NRG1: variants seen among roughly 807,000 people sequenced by gnomAD.
NRG1 encodes the protein pro-neuregulin-1, membrane-bound isoform.
Under a neutral mutation model 63.8 loss-of-function variants are expected in NRG1, and 18 were observed. The observed-to-expected ratio is 0.28, with a 90% CI of 0.19 to 0.42. NRG1 has a LOEUF of 0.42. Ranked by LOEUF, NRG1 falls within the 10% of genes least tolerant of loss-of-function variation. NRG1 has a pLI of 1.00. For missense variants in NRG1, 762 were observed against 814.7 expected (o/e 0.94, Z 0.79); for synonymous variants, 302 against 301.3 (o/e 1.00, Z -0.02).
intron 1 of NRG1, among the ~76,000 whole-genome samples, chr8:31,840,347 G>GTTT (rs1447146854): frequency 2.1e-5 from 1 of 46,736 alleles, no homozygotes; most frequent in African/African-American, 7.0e-5. Context: ...GCTATTCTCT[G>GTTT]TCTTTTTTTT....
chr8:32,652,710 A>G (rs1366804690), intron 5 of NRG1, among the ~76,000 whole-genome samples: 5 of 151,714 alleles, frequency 3.3e-5, no homozygotes, highest in African/African-American at 1.2e-4. Context: ...TCTTAATGAC[A>G]TAATTAAATC....
At chr8:32,077,071 T>TA (rs1309424888) in intron 1 of NRG1, among the ~76,000 whole-genome samples, 8 of 152,088 alleles carry the variant, frequency 5.3e-5, no homozygotes, top group East Asian at 1.9e-4. Flanking sequence ...CTCTCTCTTT[T>TA]AAAAAAAATT....
intron 2 of NRG1, among the ~76,000 whole-genome samples, chr8:32,605,339 T>C (rs1390123417): frequency 6.6e-6 from 1 of 152,166 alleles, no homozygotes; most frequent in Non-Finnish European, 1.5e-5. Flanking sequence ...ATTTAGGTGA[T>C]AAAATTGAGA....
chr8:32,199,516 T>A (rs1048260670), intron 1 of NRG1, among the ~76,000 whole-genome samples: 2 of 152,200 alleles, frequency 1.3e-5, no homozygotes, highest in Non-Finnish European at 2.9e-5. Flanking sequence ...TTAGCCTACA[T>A]AAGACATAAA....
At chr8:32,711,223 G>GT (rs796371397) in intron 5 of NRG1, among the ~76,000 whole-genome samples, 4,191 of 135,560 alleles carry the variant, frequency 0.031, 120 homozygotes, top group African/African-American at 0.075. Context: ...TTCAGCCTCA[G>GT]TTTTTTTTTT....
At chr8:32,500,036 C>G (rs1008848017) in intron 1 of NRG1, among the ~76,000 whole-genome samples, 4 of 152,136 alleles carry the variant, frequency 2.6e-5, no homozygotes, top group Admixed American at 6.5e-5. Flanking sequence ...TCCATTAAAA[C>G]ATAAAATTTC....
At chr8:32,698,147 A>G (rs1175137270) in intron 5 of NRG1, among the ~76,000 whole-genome samples, 1 of 151,958 alleles carries the variant, frequency 6.6e-6, no homozygotes, top group Non-Finnish European at 1.5e-5. Flanking sequence ...CAGAGGTTGC[A>G]GTGAGCCGAG....
At chr8:31,812,153 G>A (rs1482115173) in intron 1 of NRG1, among the ~76,000 whole-genome samples, 1 of 152,142 alleles carries the variant, frequency 6.6e-6, no homozygotes, top group Non-Finnish European at 1.5e-5. Flanking sequence ...TAAATACATA[G>A]TACCATAGAT....
intron 7 of NRG1, among the ~76,000 whole-genome samples, chr8:32,774,008 A>G (rs1350565718): frequency 6.6e-6 from 1 of 152,184 alleles, no homozygotes; most frequent in Non-Finnish European, 1.5e-5. Context: ...TTTTTAATTG[A>G]CTACATTTTT....
At chr8:31,917,243 A>C (rs4332087) in intron 1 of NRG1, among the ~76,000 whole-genome samples, 70,526 of 113,950 alleles carry the variant, frequency 0.62, 22,754 homozygotes, top group East Asian at 0.91. Context: ...GCTTTTGTTG[A>C]CATTGCTTTT....
intron 1 of NRG1, among the ~76,000 whole-genome samples, chr8:31,899,767 T>A (rs1158935373): frequency 1.3e-5 from 2 of 152,152 alleles, no homozygotes; most frequent in African/African-American, 4.8e-5. Flanking sequence ...TAAAAACACA[T>A]ACACACACTC....
At chr8:31,744,103 T>G (rs1459117488) in intron 1 of NRG1, among the ~76,000 whole-genome samples, 1 of 151,974 alleles carries the variant, frequency 6.6e-6, no homozygotes, top group Non-Finnish European at 1.5e-5. Flanking sequence ...CACACCTGGC[T>G]CTAGAGTAAT....
In NRG1 at chr8:32,454,036, C is replaced by T. The variant is rs535519270; in HGVS notation, c.38-141792C>T. Among the ~76,000 whole-genome samples, 37 of 152,286 alleles carry T rather than the reference C, an allele frequency of 2.4e-4. 1 individual carries two copies. In the South Asian group the frequency reaches 3.7e-3, roughly 15 times the overall value. ...CTGGGTAAAAGTTTAATTTCTGATG[C>T]GTAAAGCATATCCTGCCTTGAAAAA... On this transcript the variant is annotated intron_variant, in intron 1 of 10. Coordinates refer to the NRG1 transcript ENST00000519301.
chr8:31,639,548 C>CGCAGCCCCA, intron 1 of NRG1: 1 of 1,457,694 alleles, frequency 6.9e-7, no homozygotes, highest in Non-Finnish European at 9.1e-7. Context: ...GCCGCTTGCT[C>CGCAGCCCCA]GCAGCCCCAG....
In NRG1 at chr8:32,235,856, C is replaced by T. The variant is rs566190690; in HGVS notation, c.38-359972C>T. On this transcript the variant is annotated intron_variant, in intron 1 of 10. Coordinates refer to the NRG1 transcript ENST00000519301. ...GATTAGTGATTCTCAAAAGGTAGTC[C>T]TTGAATCACTTACTGAATACCTATA... Among the ~76,000 whole-genome samples, 23 of 152,188 alleles carry T rather than the reference C, an allele frequency of 1.5e-4. No homozygotes were observed. In the East Asian group the frequency reaches 3.7e-3, roughly 24 times the overall value.
intron 1 of NRG1, among the ~76,000 whole-genome samples, chr8:32,444,662 T>C (rs551344117): frequency 1.6e-4 from 25 of 152,206 alleles, no homozygotes; most frequent in Non-Finnish European, 3.1e-4. Flanking sequence ...ATTTTAATTA[T>C]ATTTTTCTAT....
intron 2 of NRG1, among the ~76,000 whole-genome samples, chr8:32,603,726 C>T (rs973483693): frequency 6.6e-6 from 1 of 152,134 alleles, no homozygotes; most frequent in Non-Finnish European, 1.5e-5. Flanking sequence ...CTGTCTTCCT[C>T]GGCCTCCCAA....
intron 1 of NRG1, among the ~76,000 whole-genome samples, chr8:31,802,781 C>T (rs1821913809): frequency 6.6e-6 from 1 of 152,128 alleles, no homozygotes; most frequent in Admixed American, 6.5e-5. Context: ...TTGAATAAAA[C>T]AGGCTGTTTT....
intron 1 of NRG1, among the ~76,000 whole-genome samples, chr8:31,768,875 AG>A (rs549997094): frequency 6.6e-5 from 10 of 152,224 alleles, no homozygotes; most frequent in Non-Finnish European, 1.3e-4. Context: ...TGGAATCCAC[AG>A]TTATCTTAAA....
Sources: gnomAD v4.1 joint callset for allele counts (sites outside exome capture counted in the v4.1 genomes callset) on GRCh38, gnomAD v4.1.1 for gene constraint, MANE v1.5 for transcripts, NCBI Gene and HGNC (gene_info 2026-07-23, HGNC 2026-07-21) for gene names.